Variants in GLI3 observed in about 807,000 individuals in gnomAD.
GLI3 encodes transcription activator GLI3.
In GLI3, 20 loss-of-function variants were observed where a neutral mutation model predicts 100.8. The observed-to-expected ratio is 0.20, with a 90% confidence interval of 0.14 to 0.29. The LOEUF (loss-of-function observed/expected upper bound fraction) is 0.29. Ranked by LOEUF, GLI3 falls within the 10% of genes least tolerant of loss-of-function variation. The pLI is 1.00. For synonymous variants in GLI3, 938 were observed against 860.5 expected, an observed-to-expected ratio of 1.09 and a Z score of -1.58; for missense variants, 2,040 against 2,128.5, an observed-to-expected ratio of 0.96 and a Z score of 0.82.
chr7:42,240,156 G>A (rs918148609), upstream of GLI3, among the ~76,000 whole-genome samples: 8 of 152,174 alleles, frequency 5.3e-5, no homozygotes, highest in African/African-American at 1.9e-4. Flanking sequence ...ACAGGATTCT[G>A]TGCACTGCCC....
intron 10 of GLI3, among the ~76,000 whole-genome samples, chr7:42,018,729 G>A (rs1303617881): frequency 6.6e-6 from 1 of 152,172 alleles, no homozygotes; most frequent in Non-Finnish European, 1.5e-5. Flanking sequence ...TGCTTTTAGA[G>A]ATCAAAATTC....
At position 42,223,745 on chromosome 7, in the gene GLI3, C is replaced by T. The variant is rs376291798; in HGVS notation, c.-42-450G>A. 1.2e-4 allele frequency among the ~76,000 whole-genome samples: 19 copies of T among 152,172 alleles called. 1 individual carries two copies. The South Asian group carries it at 1.7e-3, about 13-fold the overall frequency. On this transcript the variant is annotated intron_variant, in intron 1 of 14. Coordinates refer to ENST00000395925, the MANE Select transcript of GLI3 (RefSeq NM_000168.6). ...TTAATTAGATGTTTTAAAGAGAGTCCGACAATTTCTAACATCGAAGGCCTA... is the reference window on the plus strand; with the variant it reads ...TTAATTAGATGTTTTAAAGAGAGTCTGACAATTTCTAACATCGAAGGCCTA...
upstream of GLI3, among the ~76,000 whole-genome samples, chr7:42,241,892 G>A (rs1784636709): frequency 6.6e-6 from 1 of 152,198 alleles, no homozygotes; most frequent in Non-Finnish European, 1.5e-5. Context: ...CGGGCATGAG[G>A]TGAGCATGGT....
chr7:42,177,874 C>T (rs1308886407), intron 2 of GLI3, among the ~76,000 whole-genome samples: 5 of 152,164 alleles, frequency 3.3e-5, no homozygotes, highest in Admixed American at 6.5e-5. Flanking sequence ...CATATGATGT[C>T]TGGAGAGGCT....
rs1007478736 is a variant in GLI3 at position 41,962,717 on chromosome 7, C to T, written c.*1613G>A. 1.3e-5 allele frequency: 2 copies of T among 152,142 alleles called. No homozygotes were observed. Among genetic ancestry groups the T allele is most frequent in the Non-Finnish European group, 2.9e-5 (2 of 68,026 alleles). The allele number at this position is 152,142 out of a possible 1,614,324, so 9.4% of individuals were successfully genotyped here. Reference sequence around the variant, plus strand: ...TTAACACTCTTTCTATTATCTAACACTTTATTTTACTTGATTTTGTCTTTC... The same window carrying T: ...TTAACACTCTTTCTATTATCTAACATTTTATTTTACTTGATTTTGTCTTTC... On this transcript the variant is annotated 3_prime_UTR_variant, in exon 15 of 15. Coordinates refer to ENST00000395925, the MANE Select transcript of GLI3 (RefSeq NM_000168.6).
At chr7:42,136,160 G>A (rs1472187521) in intron 3 of GLI3, among the ~76,000 whole-genome samples, 3 of 152,164 alleles carry the variant, frequency 2.0e-5, no homozygotes, top group Non-Finnish European at 4.4e-5. Context: ...CTTGAGAACT[G>A]AGATTTCACA....
chr7:42,072,439 TA>T (rs1430980386), intron 4 of GLI3, among the ~76,000 whole-genome samples: 1 of 152,152 alleles, frequency 6.6e-6, no homozygotes, highest in Non-Finnish European at 1.5e-5. Context: ...TGCCTACTTT[TA>T]AAAAGGAAGC....
intron 3 of GLI3, among the ~76,000 whole-genome samples, chr7:42,095,145 A>G (rs1293196757): frequency 1.3e-5 from 2 of 152,194 alleles, no homozygotes; most frequent in Non-Finnish European, 2.9e-5. Context: ...CGGTCCTCCA[A>G]CTTGACCTTG....
chr7:42,132,245 C>CGCCTGCCACCATGCCT (rs201880044), intron 3 of GLI3, among the ~76,000 whole-genome samples: 7 of 145,488 alleles, frequency 4.8e-5, no homozygotes, highest in African/African-American at 1.6e-4. Flanking sequence ...GGACTACAGG[C>CGCCTGCCACCATGCCT]GCCCGCCACT....
At chr7:42,260,279 C>G (rs1194265756) in intron 1 of GLI3, among the ~76,000 whole-genome samples, 1 of 152,168 alleles carries the variant, frequency 6.6e-6, no homozygotes, top group Non-Finnish European at 1.5e-5. Context: ...TGAATGTTCA[C>G]AGATCTGTTG....
chr7:42,193,980 A>G (rs1352074146), intron 2 of GLI3, among the ~76,000 whole-genome samples: 1 of 152,204 alleles, frequency 6.6e-6, no homozygotes, highest in Non-Finnish European at 1.5e-5. Flanking sequence ...CCTCTCCAGA[A>G]GGACAAAAAT....
At chr7:42,139,445 C>T (rs1383102930) in intron 3 of GLI3, among the ~76,000 whole-genome samples, 5 of 151,970 alleles carry the variant, frequency 3.3e-5, no homozygotes, top group African/African-American at 7.3e-5. Flanking sequence ...TTTGGGAGGC[C>T]GAGACGGGCA....
intron 10 of GLI3, among the ~76,000 whole-genome samples, chr7:42,017,628 T>G (rs1313703711): frequency 1.3e-5 from 2 of 152,162 alleles, no homozygotes; most frequent in Admixed American, 6.5e-5. Flanking sequence ...AATTCAAACT[T>G]TTTGCTTTCT....
chr7:42,019,484 G>A (rs1562688240), intron 10 of GLI3, among the ~76,000 whole-genome samples: 2 of 152,132 alleles, frequency 1.3e-5, no homozygotes, highest in South Asian at 2.1e-4. Context: ...GGAAGAAGTT[G>A]GGCTGAGCTG....
intron 2 of GLI3, among the ~76,000 whole-genome samples, chr7:42,198,836 TA>T (rs1439228825): frequency 1.3e-5 from 2 of 151,958 alleles, no homozygotes; most frequent in African/African-American, 4.8e-5. Flanking sequence ...AAAAAAATGT[TA>T]GATGGTGGCA....
chr7:42,250,031 G>T (rs1293222169), intron 1 of GLI3, among the ~76,000 whole-genome samples: 1 of 152,048 alleles, frequency 6.6e-6, no homozygotes, highest in Non-Finnish European at 1.5e-5. Flanking sequence ...GGAGGTCAAG[G>T]CTGCAGTGAG....
intron 2 of GLI3, among the ~76,000 whole-genome samples, chr7:42,179,644 G>A (rs1195876319): frequency 6.6e-6 from 1 of 152,164 alleles, no homozygotes; most frequent in Non-Finnish European, 1.5e-5. Context: ...TTTATGAAGA[G>A]AAAAGTCCAC....
chr7:42,035,028 T>G (rs1248012908), intron 7 of GLI3, among the ~76,000 whole-genome samples: 1 of 152,174 alleles, frequency 6.6e-6, no homozygotes, highest in Non-Finnish European at 1.5e-5. Context: ...TAAAACTAAC[T>G]ACCACTTCAG....
chr7:42,066,758 C>T (rs182672046), intron 4 of GLI3, among the ~76,000 whole-genome samples: 2 of 152,346 alleles, frequency 1.3e-5, no homozygotes, highest in African/African-American at 4.8e-5. Context: ...TCCAGCCTCA[C>T]TCTTCTATTT....
Sources: allele counts gnomAD v4.1 joint callset (sites outside exome capture counted in the v4.1 genomes callset), GRCh38; gene constraint gnomAD v4.1.1; transcripts MANE v1.5; gene names NCBI Gene and HGNC (gene_info 2026-07-23, HGNC 2026-07-21).